RORA: variants seen among roughly 807,000 people sequenced by gnomAD.
RORA encodes the protein RAR related orphan receptor A.
RORA carries 7 observed loss-of-function variants against 69.5 expected under a neutral mutation model. The ratio of observed to expected loss-of-function variants is 0.10; its 90% CI spans 0.06 to 0.19. The LOEUF (loss-of-function observed/expected upper bound fraction) is 0.19. RORA is among the 10% of genes least tolerant of loss of function. The pLI is 1.00. For synonymous variants in RORA, 261 were observed against 240.8 expected (o/e 1.08, Z -0.78); for missense variants, 457 against 663.0 (o/e 0.69, Z 3.41).
intron 1 of RORA, among the ~76,000 whole-genome samples, chr15:60,776,169 G>T (rs1406050235): frequency 6.6e-6 from 1 of 152,128 alleles, no homozygotes; most frequent in South Asian, 2.1e-4. Flanking sequence ...TTGAGATGAA[G>T]GCACTCATGA....
chr15:60,605,813 C>T (rs954525871), intron 2 of RORA, among the ~76,000 whole-genome samples: 4 of 152,144 alleles, frequency 2.6e-5, no homozygotes, highest in African/African-American at 9.7e-5. Context: ...CTGGAGATGA[C>T]GTTTTTTAAA....
intron 1 of RORA, among the ~76,000 whole-genome samples, chr15:60,980,535 T>C (rs929080830): frequency 6.6e-6 from 1 of 152,292 alleles, no homozygotes; most frequent in South Asian, 2.1e-4. Context: ...AGAAGTTTTT[T>C]CTTGCTAACT....
intron 1 of RORA, among the ~76,000 whole-genome samples, chr15:61,066,464 T>C (rs1483169476): frequency 6.8e-6 from 1 of 147,706 alleles, no homozygotes; most frequent in Non-Finnish European, 1.5e-5. Flanking sequence ...TTCACTCTTG[T>C]TGCCCAGGCT....
In RORA at chr15:61,002,975, CAAAAAA is replaced by C. The variant is rs59966691; in HGVS notation, c.166+226072_166+226077del. On this transcript the variant is annotated intron_variant, in intron 1 of 10. Coordinates refer to ENST00000335670, the MANE Select transcript of RORA (RefSeq NM_134261.3). ...TGAAACCCCGTCTCTACTAAAAATA[CAAAAAA>C]AAAAAAAAAAAAATTAGCCAGGTGT... is the stretch of plus-strand genomic sequence containing the variant. Among the ~76,000 whole-genome samples the C allele has an allele frequency of 3.4e-5, 4 of 117,004 alleles. No homozygotes were observed. The South Asian group carries it at 1.1e-3, about 34-fold the overall frequency. 76.8% of individuals were successfully genotyped at this position (117,004 alleles called of 152,430 possible). A position where few individuals can be genotyped will look rare whatever the true frequency, so the allele number is the denominator to read the frequency against.
intron 2 of RORA, among the ~76,000 whole-genome samples, chr15:60,646,877 C>T (rs745522821): frequency 1.3e-5 from 2 of 152,194 alleles, no homozygotes; most frequent in African/African-American, 2.4e-5. Flanking sequence ...TGATAATGAC[C>T]GGCTTCACAG....
At chr15:60,591,175 A>G (rs375337615) in intron 2 of RORA, among the ~76,000 whole-genome samples, 3 of 152,186 alleles carry the variant, frequency 2.0e-5, no homozygotes, top group African/African-American at 2.4e-5. Context: ...ATTGCTGCGC[A>G]TTAGGGAAGC....
At chr15:60,786,864 C>T (rs1400541094) in intron 1 of RORA, among the ~76,000 whole-genome samples, 1 of 152,208 alleles carries the variant, frequency 6.6e-6, no homozygotes, top group Non-Finnish European at 1.5e-5. Flanking sequence ...TTTCTGGAGT[C>T]TCAGCTCGTG....
intron 1 of RORA, among the ~76,000 whole-genome samples, chr15:60,779,302 C>T (rs2072220234): frequency 6.6e-6 from 1 of 152,106 alleles, no homozygotes; most frequent in African/African-American, 2.4e-5. Flanking sequence ...CTTTTTGCAT[C>T]CTCAGTTTTC....
At chr15:60,689,462 T>C (rs2070791574) in intron 1 of RORA, among the ~76,000 whole-genome samples, 1 of 152,222 alleles carries the variant, frequency 6.6e-6, no homozygotes, top group Non-Finnish European at 1.5e-5. Flanking sequence ...TTTTAAATTA[T>C]TCTTTTTCCA....
At chr15:60,831,629 G>A (rs764365862) in intron 1 of RORA, among the ~76,000 whole-genome samples, 3 of 151,992 alleles carry the variant, frequency 2.0e-5, no homozygotes, top group African/African-American at 4.8e-5. Flanking sequence ...ACCTCATTTG[G>A]GTATTTTGAG....
chr15:60,967,500 A>G (rs1893588166), intron 1 of RORA, among the ~76,000 whole-genome samples: 1 of 152,184 alleles, frequency 6.6e-6, no homozygotes, highest in Non-Finnish European at 1.5e-5. Flanking sequence ...TCTCCATCCA[A>G]AATGACTGAC....
intron 1 of RORA, among the ~76,000 whole-genome samples, chr15:60,806,869 A>T (rs561929996): frequency 6.6e-6 from 1 of 152,306 alleles, no homozygotes; most frequent in East Asian, 1.9e-4. Context: ...TTTTCTTTGT[A>T]GTGAGGCTCC....
intron 1 of RORA, among the ~76,000 whole-genome samples, chr15:60,718,073 C>T (rs763380116): frequency 6.6e-6 from 1 of 152,148 alleles, no homozygotes; most frequent in Non-Finnish European, 1.5e-5. Flanking sequence ...GGATTACAGG[C>T]ACATTGCATT....
chr15:60,797,598 G>C lies in RORA; in HGVS notation c.167-118912C>G, dbSNP rs115008664. ...AGAGTTTACAGAAAAACACCCATGA[G>C]ATGAGACTGAATGAGTTATGTAAGA... On this transcript the variant is annotated intron_variant, in intron 1 of 10. Transcript: ENST00000335670. Among the ~76,000 whole-genome samples, 386 of 152,316 alleles carry C rather than the reference G, an allele frequency of 2.5e-3. 2 individuals carry two copies. The highest frequency in any genetic ancestry group is 8.0e-3 in the African/African-American group (331 of 41,570).
chr15:60,900,524 CAT>C (rs1306454116), intron 1 of RORA, among the ~76,000 whole-genome samples: 1 of 152,188 alleles, frequency 6.6e-6, no homozygotes, highest in Non-Finnish European at 1.5e-5. Flanking sequence ...ACTTACTACT[CAT>C]GTGTGTTTGG....
At chr15:61,130,078 G>A (rs564364892) in intron 1 of RORA, among the ~76,000 whole-genome samples, 1 of 152,296 alleles carries the variant, frequency 6.6e-6, no homozygotes, top group South Asian at 2.1e-4. Context: ...AAGCAGAAAG[G>A]GAATGGAGAG....
At chr15:60,772,768 C>T (rs1402580983) in intron 1 of RORA, among the ~76,000 whole-genome samples, 1 of 152,194 alleles carries the variant, frequency 6.6e-6, no homozygotes, top group Non-Finnish European at 1.5e-5. Context: ...TGCAAAACCT[C>T]ATTTCACTGC....
At chr15:60,956,688 G>T (rs1470095416) in intron 1 of RORA, among the ~76,000 whole-genome samples, 1 of 152,208 alleles carries the variant, frequency 6.6e-6, no homozygotes, top group Non-Finnish European at 1.5e-5. Flanking sequence ...TATATGAAGT[G>T]TTTGGCATTT....
intron 3 of RORA, among the ~76,000 whole-genome samples, chr15:60,522,630 T>C (rs2066207172): frequency 1.3e-5 from 2 of 150,814 alleles, no homozygotes; most frequent in African/African-American, 4.9e-5. Context: ...ATTAGCCAGG[T>C]GTAGTGGCAT....
Sources: allele counts gnomAD v4.1 joint callset (sites outside exome capture counted in the v4.1 genomes callset), GRCh38; gene constraint gnomAD v4.1.1; transcripts MANE v1.5; gene names NCBI Gene and HGNC (gene_info 2026-07-23, HGNC 2026-07-21).